Variants in EBF3 observed in about 807,000 individuals in gnomAD.
EBF3 encodes the protein transcription factor COE3.
In EBF3, 18 loss-of-function variants were observed where a neutral mutation model predicts 77.1. That is an observed-to-expected ratio of 0.23 (90% CI 0.16 to 0.35). The LOEUF (loss-of-function observed/expected upper bound fraction) is 0.35. EBF3 is among the 10% of genes least tolerant of loss of function. The probability of loss-of-function intolerance (pLI) is 1.00; values close to 1 mark genes in which losing one functional copy is unlikely to be tolerated. For missense variants in EBF3, 558 were observed against 860.0 expected, an observed-to-expected ratio of 0.65 and a Z score of 4.39; for synonymous variants, 350 against 343.5, an observed-to-expected ratio of 1.02 and a Z score of -0.21.
At chr10:129,931,484 C>A (rs1158254113) in intron 6 of EBF3, among the ~76,000 whole-genome samples, 2 of 152,182 alleles carry the variant, frequency 1.3e-5, no homozygotes, top group Non-Finnish European at 2.9e-5. Flanking sequence ...GTGATGAATG[C>A]ACTCAGGTCA....
chr10:129,878,611 G>A (rs1247047366), intron 6 of EBF3, among the ~76,000 whole-genome samples: 1 of 146,698 alleles, frequency 6.8e-6, no homozygotes, highest in Non-Finnish European at 1.5e-5. Context: ...TCAGTGAGCC[G>A]AGATCGTGCC....
intron 4 of EBF3, among the ~76,000 whole-genome samples, chr10:129,960,229 C>G (rs1859399355): frequency 6.6e-6 from 1 of 152,228 alleles, no homozygotes; most frequent in African/African-American, 2.4e-5. Flanking sequence ...GTTCCCGCCC[C>G]CACCCCTGAA....
intron 6 of EBF3, among the ~76,000 whole-genome samples, chr10:129,887,021 G>A (rs868147969): frequency 6.9e-5 from 10 of 144,470 alleles, no homozygotes; most frequent in Middle Eastern, 3.2e-3. Flanking sequence ...GGTAAGCACA[G>A]GCCCGGGGAA....
Position 129,964,121 on chromosome 10 carries a change from C to T in EBF3, c.-353G>A. ...GGCTGCAGGACACTGCGGGATCGCC[C>T]GCTTCTGGCGCGGCCCGCCTGCTCC... On this transcript the variant is annotated 5_prime_UTR_variant, in exon 1 of 17. Coordinates refer to ENST00000440978, the MANE Select transcript of EBF3 (RefSeq NM_001375380.1). This position sits in a 1 kb window ranked among gnomAD's most constrained non-coding sequence, Gnocchi z 4.5. 1 of 985,048 alleles carries T rather than the reference C, an allele frequency of 1.0e-6. No homozygotes were observed. The highest frequency in any genetic ancestry group is 1.2e-6 in the Non-Finnish European group (1 of 829,814). 61.0% of individuals were successfully genotyped at this position (985,048 alleles called of 1,614,324 possible). A position where few individuals can be genotyped will look rare whatever the true frequency, so the allele number is the denominator to read the frequency against.
At position 129,873,604 on chromosome 10, in the gene EBF3, G is replaced by A; in HGVS notation, c.637-8C>T. On this transcript the variant is annotated splice_region_variant and splice_polypyrimidine_tract_variant and intron_variant, in intron 7 of 16. Coordinates refer to ENST00000440978, the MANE Select transcript of EBF3 (RefSeq NM_001375380.1). Reference sequence around the variant, plus strand: ...TGTTGTCGATACAACAACCTGCAAAGATGAAGTGGATTTGAAAATGGAATT... The same window carrying A: ...TGTTGTCGATACAACAACCTGCAAAAATGAAGTGGATTTGAAAATGGAATT... The A allele has an allele frequency of 1.3e-6, 2 of 1,518,272 alleles. No homozygotes were observed. Among genetic ancestry groups the A allele is most frequent in the Non-Finnish European group, 8.8e-7 (1 of 1,130,604 alleles). 94.1% of individuals were successfully genotyped at this position (1,518,272 alleles called of 1,614,324 possible). A position where few individuals can be genotyped will look rare whatever the true frequency, so the allele number is the denominator to read the frequency against.
intron 6 of EBF3, among the ~76,000 whole-genome samples, chr10:129,918,355 G>A (rs1218837440): frequency 6.6e-6 from 1 of 152,196 alleles, no homozygotes; most frequent in African/African-American, 2.4e-5. Flanking sequence ...GAAACTGAGG[G>A]GAGAAGTCAA....
At chr10:129,902,205 G>A (rs1854835643) in intron 6 of EBF3, among the ~76,000 whole-genome samples, 1 of 151,224 alleles carries the variant, frequency 6.6e-6, no homozygotes, top group Non-Finnish European at 1.5e-5. Context: ...CTAGTTAGCT[G>A]GGGAAACACA....
intron 8 of EBF3, among the ~76,000 whole-genome samples, 163 bp downstream of exon 8, chr10:129,873,289 T>C (rs893512502): frequency 2.0e-5 from 3 of 152,186 alleles, no homozygotes; most frequent in African/African-American, 7.2e-5. Context: ...AGGAGGGCTG[T>C]CTCCCCTTCC....
chr10:129,959,063 A>T (rs1197070512), intron 4 of EBF3, 56 bp from the exon 5 acceptor site: 1 of 1,592,654 alleles, frequency 6.3e-7, no homozygotes, highest in Non-Finnish European at 8.5e-7. Context: ...CTTTGGCGCC[A>T]AATCGCCCCG....
intron 6 of EBF3, among the ~76,000 whole-genome samples, chr10:129,880,125 C>T (rs1853088162): frequency 6.6e-6 from 1 of 152,178 alleles, no homozygotes; most frequent in Non-Finnish European, 1.5e-5. Context: ...CCCTAACTAG[C>T]CCTCACTCGG....
At chr10:129,956,004 C>T (rs763952320) in intron 6 of EBF3, among the ~76,000 whole-genome samples, 10 of 152,304 alleles carry the variant, frequency 6.6e-5, no homozygotes, top group South Asian at 4.1e-4. Context: ...TTTCATAGTT[C>T]GAGTTCTATA....
chr10:129,851,017 C>A (rs1002660666), intron 10 of EBF3, among the ~76,000 whole-genome samples: 2 of 152,226 alleles, frequency 1.3e-5, no homozygotes, highest in African/African-American at 4.8e-5. Flanking sequence ...CACAGAGCCC[C>A]GAGCCAGGCC....
chr10:129,925,523 C>T (rs1856606945), intron 6 of EBF3, among the ~76,000 whole-genome samples: 1 of 148,816 alleles, frequency 6.7e-6, no homozygotes, highest in Non-Finnish European at 1.5e-5. Flanking sequence ...ACCCGGGAGG[C>T]AGAGGTTACA....
intron 6 of EBF3, among the ~76,000 whole-genome samples, chr10:129,955,358 G>C (rs191920537): frequency 2.6e-5 from 4 of 152,246 alleles, no homozygotes; most frequent in Admixed American, 6.5e-5. Context: ...TATGCCAGGC[G>C]TAAATGGAGC....
In EBF3 at chr10:129,858,819, C is replaced by T. The variant is rs181414190; in HGVS notation, c.1039+8322G>A. Among the ~76,000 whole-genome samples the T allele has an allele frequency of 1.4e-3, 210 of 152,184 alleles. 1 individual carries two copies. Among genetic ancestry groups the T allele is most frequent in the African/African-American group, 4.7e-3 (196 of 41,528 alleles). On this transcript the variant is annotated intron_variant, in intron 10 of 16. Transcript: ENST00000440978. ...TATAAGCTCTCTATCTGGGAAGACA[C>T]AGAAAGGGCTATCTCAAGAGTGCAG...
chr10:129,963,187 C>T lies in EBF3; in HGVS notation c.291+180G>A, dbSNP rs1420045648. The T allele has an allele frequency of 2.6e-6, 3 of 1,157,024 alleles. No homozygotes were observed. The highest frequency in any genetic ancestry group is 1.6e-5 in the African/African-American group (1 of 63,440). The allele number at this position is 1,157,024 out of a possible 1,614,324, so 71.7% of individuals were successfully genotyped here. Reference sequence around the variant, plus strand: ...GCGTTCTCCTCGCCCCGAGTAAGTCCGAGGGCGCAGAGAAGTTGCCCAGCC... The same window carrying T: ...GCGTTCTCCTCGCCCCGAGTAAGTCTGAGGGCGCAGAGAAGTTGCCCAGCC... On this transcript the variant is annotated intron_variant, in intron 2 of 16. Transcript: ENST00000440978. This position sits in a 1 kb window ranked among gnomAD's most constrained non-coding sequence, Gnocchi z 7.1.
chr10:129,843,568 GC>G (rs1223902903), intron 11 of EBF3, among the ~76,000 whole-genome samples: 5 of 152,238 alleles, frequency 3.3e-5, no homozygotes, highest in African/African-American at 7.2e-5. Flanking sequence ...GATATGAAAG[GC>G]CCAGGCACCA....
Position 129,963,990 on chromosome 10 carries a change from G to C in EBF3, c.-222C>G, listed in dbSNP as rs1188642411. 1 of 1,017,394 alleles carries C rather than the reference G, an allele frequency of 9.8e-7. No individual in the cohort carries two copies. The highest frequency in any genetic ancestry group is 1.7e-5 in the African/African-American group (1 of 57,824). 63.0% of individuals were successfully genotyped at this position (1,017,394 alleles called of 1,614,324 possible). A position where few individuals can be genotyped will look rare whatever the true frequency, so the allele number is the denominator to read the frequency against. ...GCGCGGAGGCGGCTCCACCGGCGGC[G>C]GCGGCGCTTCGAAGGAGCAGGACGC... On this transcript the variant is annotated 5_prime_UTR_variant, in exon 1 of 17. Transcript: ENST00000440978. This position sits in a 1 kb window ranked among gnomAD's most constrained non-coding sequence, Gnocchi z 7.1.
At chr10:129,881,834 C>T (rs1853236279) in intron 6 of EBF3, among the ~76,000 whole-genome samples, 2 of 152,138 alleles carry the variant, frequency 1.3e-5, no homozygotes, top group Non-Finnish European at 2.9e-5. Flanking sequence ...ATCCCGAGGC[C>T]CTCATTTCTG....
Sources: gnomAD v4.1 joint callset for allele counts (sites outside exome capture counted in the v4.1 genomes callset) on GRCh38, gnomAD v4.1.1 for gene constraint, Gnocchi (gnomAD v3.1) non-coding constraint, MANE v1.5 for transcripts, NCBI Gene and HGNC (gene_info 2026-07-23, HGNC 2026-07-21) for gene names.